XRN1: variants seen among roughly 807,000 people sequenced by gnomAD.
The protein encoded by XRN1 is 5'-3' exoribonuclease 1.
A neutral mutation model predicts 222.3 loss-of-function variants in XRN1; 67 were observed. That is an observed-to-expected ratio of 0.30 (90% CI 0.25 to 0.37). XRN1 has a LOEUF of 0.37. XRN1 is among the 10% of genes least tolerant of loss of function. XRN1 has a pLI of 1.00. For synonymous variants in XRN1, 643 were observed against 652.4 expected, an observed-to-expected ratio of 0.99 and a Z score of 0.22; for missense variants, 1,707 against 2,000.2, an observed-to-expected ratio of 0.85 and a Z score of 2.80.
rs1476314684 is a variant in XRN1, at chr3:142,423,550, T to C, written c.710+10A>G. 1 of 1,593,360 alleles carries C rather than the reference T, an allele frequency of 6.3e-7. No individual in the cohort carries two copies. Among genetic ancestry groups the C allele is most frequent in the South Asian group, 1.2e-5 (1 of 86,770 alleles). On this transcript the variant is annotated intron_variant, in intron 6 of 40. Transcript: ENST00000392981. ...TTTCTTTCTTCCAACATATATGCTATATAATTTACCGTTGTGTTTTTTTGC... is the reference window on the plus strand; with the variant it reads ...TTTCTTTCTTCCAACATATATGCTACATAATTTACCGTTGTGTTTTTTTGC...
chr3:142,335,492 T>G lies in XRN1; in HGVS notation c.3895A>C (p.Ser1299Arg). ...TGGGACCAACACTCAGCTTTAGGAC[T>G]CTTACACTCTTCTTTAACTAGAGAC... is the stretch of plus-strand genomic sequence containing the variant. ...PHRKFKEECK[S>R]PKAECWSQKM... The change falls in exon 34 of 41, where the codon AGT becomes CGT. Residue 1299 changes from serine (S) to arginine (R), a missense_variant. Ser to Arg is a moderately radical substitution (Grantham distance 110, BLOSUM62 -1). Coordinates refer to ENST00000392981, the MANE Select transcript of XRN1 (RefSeq NM_001282857.2). 1 of 1,613,806 alleles carries G rather than the reference T, an allele frequency of 6.2e-7. No individual in the cohort carries two copies. The highest frequency in any genetic ancestry group is 8.5e-7 in the Non-Finnish European group (1 of 1,179,842).
chr3:142,332,746 A>G, intron 35 of XRN1: 1 of 749,700 alleles, frequency 1.3e-6, no homozygotes, highest in East Asian at 2.9e-5. Flanking sequence ...CTTTCATCCC[A>G]GTTACCTAGT....
At chr3:142,369,671 A>T (rs968023252) in intron 27 of XRN1, among the ~76,000 whole-genome samples, 1 of 150,948 alleles carries the variant, frequency 6.6e-6, no homozygotes, top group South Asian at 2.1e-4. Flanking sequence ...AAAAAAAAAA[A>T]CAAGAGTATA....
chr3:142,376,699 T>A, intron 23 of XRN1, 105 bp from the exon 24 acceptor site: 1 of 809,186 alleles, frequency 1.2e-6, no homozygotes, highest in Non-Finnish European at 1.9e-6. Flanking sequence ...TCACTAACCA[T>A]TGGATTGTGG....
chr3:142,372,251 G>C (rs537161769), intron 25 of XRN1, among the ~76,000 whole-genome samples: 2 of 152,264 alleles, frequency 1.3e-5, no homozygotes, highest in African/African-American at 4.8e-5. Context: ...AGGAGGAGAG[G>C]ACAGGTGTTA....
intron 15 of XRN1, 38 bp downstream of exon 15, chr3:142,412,506 G>C (rs945439922): frequency 7.9e-6 from 12 of 1,527,224 alleles, no homozygotes; most frequent in Non-Finnish European, 8.9e-6. Context: ...CTCTGATTAA[G>C]AATGTATGTG....
At chr3:142,359,816 A>T (rs1163361587) in intron 30 of XRN1, 46 bp downstream of exon 30, 1 of 1,393,164 alleles carries the variant, frequency 7.2e-7, no homozygotes, top group South Asian at 1.2e-5. Flanking sequence ...GTCACTGGCC[A>T]CATGAACATA....
rs777114270 is a variant in XRN1, at chr3:142,403,734, T to C, written c.2043A>G (p.Gln681=). Residue 681 remains glutamine, a synonymous_variant, in exon 18 of 41, where the codon CAA becomes CAG. Coordinates refer to ENST00000392981, the MANE Select transcript of XRN1 (RefSeq NM_001282857.2). ...ACATCATGTTTTCTCCACGACTGCT[T>C]TGCTGGAATACTTGAACACCACTTT... The part of the protein sequence containing the change: ...LKKSGVQVFQ[Q]SSRGENMMLE... The C allele has an allele frequency of 8.7e-6, 14 of 1,613,188 alleles. No individual in the cohort carries two copies. The highest frequency in any genetic ancestry group is 2.7e-5 in the African/African-American group (2 of 74,902).
intron 22 of XRN1, 53 bp from the exon 23 acceptor site, chr3:142,380,233 T>G: frequency 6.9e-7 from 1 of 1,458,700 alleles, no homozygotes; most frequent in Non-Finnish European, 9.5e-7. Flanking sequence ...TTTTATTTTT[T>G]AACTTATTTG....
At chr3:142,365,494 A>T in intron 27 of XRN1, 128 bp from the exon 28 acceptor site, 1 of 609,582 alleles carries the variant, frequency 1.6e-6, no homozygotes, top group East Asian at 3.4e-5. Context: ...AAATATTTAA[A>T]GTTCTGCAGC....
chr3:142,408,717 G>A (rs922454634), intron 15 of XRN1, among the ~76,000 whole-genome samples: 16 of 152,150 alleles, frequency 1.1e-4, no homozygotes, highest in African/African-American at 3.6e-4. Context: ...ATCTAAGAAT[G>A]GAATTGCTGG....
At position 142,447,967 on chromosome 3, in the gene XRN1, A is replaced by G. The variant is rs563408890; in HGVS notation, c.-23T>C. The G allele has an allele frequency of 1.5e-5, 24 of 1,611,964 alleles. 1 individual carries two copies. In the South Asian group the frequency reaches 2.5e-4, roughly 17 times the overall value. On this transcript the variant is annotated 5_prime_UTR_variant, in exon 1 of 41. Transcript: ENST00000392981. The surrounding 1 kb of genome is among the most constrained non-coding windows in gnomAD (Gnocchi z 4.2). Reference sequence around the variant, plus strand: ...CATTTCGATCGTCAACACTAATCCCAGTCAGGGCCAAACCGAAACCAAACG... The same window carrying G: ...CATTTCGATCGTCAACACTAATCCCGGTCAGGGCCAAACCGAAACCAAACG...
chr3:142,376,114 G>T, intron 24 of XRN1, 170 bp from the exon 25 acceptor site: 1 of 1,225,596 alleles, frequency 8.2e-7, no homozygotes, highest in Non-Finnish European at 1.1e-6. Context: ...CAAAGTAGCA[G>T]TAATTGAAAA....
intron 2 of XRN1, among the ~76,000 whole-genome samples, chr3:142,427,903 T>C (rs779723343): frequency 3.9e-5 from 6 of 152,242 alleles, no homozygotes; most frequent in Non-Finnish European, 7.3e-5. Flanking sequence ...CAATTCTATT[T>C]CTGTGATGAA....
At chr3:142,349,781 A>G (rs1204559228) in intron 32 of XRN1, among the ~76,000 whole-genome samples, 1 of 152,148 alleles carries the variant, frequency 6.6e-6, no homozygotes, top group Non-Finnish European at 1.5e-5. Context: ...TATACTTGGG[A>G]TCTCATAATT....
At chr3:142,429,390 C>T (rs2069417804) in intron 2 of XRN1, among the ~76,000 whole-genome samples, 1 of 152,022 alleles carries the variant, frequency 6.6e-6, no homozygotes, top group African/African-American at 2.4e-5. Flanking sequence ...CCTTGTGATC[C>T]ACCCGCCTGG....
At chr3:142,435,896 TA>T (rs2069875476) in intron 1 of XRN1, 1 of 151,090 alleles carries the variant, frequency 6.6e-6, no homozygotes, top group African/African-American at 2.4e-5. Flanking sequence ...CCATCTCTAC[TA>T]AAAATACAAA....
rs778307170 is a variant in XRN1 at position 142,357,098 on chromosome 3, A to G, written c.3486T>C (p.Tyr1162=). The G allele has an allele frequency of 6.2e-7, 1 of 1,612,412 alleles. No homozygotes were observed. The highest frequency in any genetic ancestry group is 8.5e-7 in the Non-Finnish European group (1 of 1,179,238). The change falls in exon 31 of 41, where the codon TAT becomes TAC. Residue 1162 remains tyrosine, a synonymous_variant. Coordinates refer to ENST00000392981, the MANE Select transcript of XRN1 (RefSeq NM_001282857.2). ...TCACCAAGGCACTTGTTGGCAGTCGATAACCTCTACCAGGTGAGCATCTAA... is the reference window on the plus strand; with the variant it reads ...TCACCAAGGCACTTGTTGGCAGTCGGTAACCTCTACCAGGTGAGCATCTAA... ...LTIRCSPGRG[Y]RLPTSALVNL...
At chr3:142,374,346 A>G (rs1287708359) in intron 25 of XRN1, among the ~76,000 whole-genome samples, 1 of 152,218 alleles carries the variant, frequency 6.6e-6, no homozygotes, top group African/African-American at 2.4e-5. Flanking sequence ...CCAAGAGAAA[A>G]ATGGAACTGA....
Sources: allele counts gnomAD v4.1 joint callset (sites outside exome capture counted in the v4.1 genomes callset), GRCh38; gene constraint gnomAD v4.1.1; non-coding constraint Gnocchi (gnomAD v3.1); transcripts MANE v1.5; gene names NCBI Gene and HGNC (gene_info 2026-07-23, HGNC 2026-07-21).